SMARCA2: variants seen among roughly 807,000 people sequenced by gnomAD.
SMARCA2 encodes SWI/SNF related BAF chromatin remodeling complex subunit ATPase 2.
A neutral mutation model predicts 199.8 loss-of-function variants in SMARCA2; 61 were observed. The observed-to-expected ratio is 0.31, with a 90% CI of 0.25 to 0.38. The LOEUF (loss-of-function observed/expected upper bound fraction) is 0.38, where lower values mean the gene tolerates loss of function less well. Among genes scored for constraint, SMARCA2 ranks in the 10% least tolerant of loss-of-function variants. The pLI is 1.00. For synonymous variants in SMARCA2, 935 were observed against 732.0 expected, an observed-to-expected ratio of 1.28 and a Z score of -4.48; for missense variants, 1,344 against 2,012.2, an observed-to-expected ratio of 0.67 and a Z score of 6.35.
intron 33 of SMARCA2, chr9:2,192,079 A>G (rs927571130): frequency 1.9e-5 from 3 of 156,602 alleles, no homozygotes; most frequent in Non-Finnish European, 1.4e-5. Flanking sequence ...CCCGAGTAGC[A>G]TAACTCAGTC....
rs202149011 is a variant in SMARCA2 at position 2,160,731 on chromosome 9, TTG to T, written c.3982-950_3982-949del. On this transcript the variant is annotated intron_variant, in intron 27 of 33. Coordinates refer to ENST00000349721, the MANE Select transcript of SMARCA2 (RefSeq NM_003070.5). Reference sequence around the variant, plus strand: ...GGAACAAATAACAACATTAGTTATTTTGTGTGAGAGAGCAATCTCAAAACGTA... The same window carrying T: ...GGAACAAATAACAACATTAGTTATTTTGTGAGAGAGCAATCTCAAAACGTA... 1.9e-3 allele frequency: 963 copies of T among 509,206 alleles called. 18 individuals are homozygous for T. The Admixed American group carries it at 0.025, about 13-fold the overall frequency. 31.5% of individuals were successfully genotyped at this position (509,206 alleles called of 1,614,324 possible).
chr9:2,116,110 C>T, intron 25 of SMARCA2, 61 bp downstream of exon 25: 1 of 1,240,910 alleles, frequency 8.1e-7, no homozygotes, highest in Non-Finnish European at 1.2e-6. Flanking sequence ...CTGAAGGACT[C>T]AGAATAATCC....
chr9:2,115,911 A>G lies in SMARCA2; in HGVS notation c.3546A>G (p.Glu1182=), dbSNP rs142044676. 3 of 1,614,116 alleles carry G rather than the reference A, an allele frequency of 1.9e-6. No individual in the cohort carries two copies. The African/African-American group carries it at 4.0e-5, about 22-fold the overall frequency. Residue 1182 remains glutamate (E), a synonymous_variant, in exon 25 of 34, where the codon GAA becomes GAG. Coordinates refer to ENST00000349721, the MANE Select transcript of SMARCA2 (RefSeq NM_003070.5). This position sits in a 1 kb window ranked among gnomAD's most constrained non-coding sequence, Gnocchi z 6.0. ...TCTGTACCGTGAACAGCGTGGAGGA[A>G]AAGATCCTCGCGGCCGCAAAATACA... The part of the protein sequence containing the change: ...LRLCTVNSVE[E]KILAAAKYKL...
chr9:2,175,778 C>G (rs1177465643), intron 29 of SMARCA2, among the ~76,000 whole-genome samples: 2 of 152,140 alleles, frequency 1.3e-5, no homozygotes, highest in African/African-American at 4.8e-5. Flanking sequence ...TTTGGCATAT[C>G]TCCTTCTGGT....
chr9:2,177,967 A>G lies in SMARCA2; in HGVS notation c.4254-3604A>G, dbSNP rs143533751. ...TTATAATGTATGCAGTCACCAGTTTAGAGTCATAGTATAGATGTGGAATTA... is the reference window on the plus strand; with the variant it reads ...TTATAATGTATGCAGTCACCAGTTTGGAGTCATAGTATAGATGTGGAATTA... On this transcript the variant is annotated intron_variant, in intron 29 of 33. Transcript: ENST00000349721. Among the ~76,000 whole-genome samples the G allele has an allele frequency of 2.8e-3, 432 of 152,218 alleles. 1 individual carries two copies. Among genetic ancestry groups the G allele is most frequent in the African/African-American group, 9.9e-3 (412 of 41,560 alleles).
Position 2,086,724 on chromosome 9 carries a change from A to G in SMARCA2, c.2527-105A>G. 7.9e-7 allele frequency: 1 copy of G among 1,259,658 alleles called. No homozygotes were observed. The allele number at this position is 1,259,658 out of a possible 1,614,324, so 78.0% of individuals were successfully genotyped here. A position where few individuals can be genotyped will look rare whatever the true frequency, so the allele number is the denominator to read the frequency against. ...CTCAAAGGTAATCACAGCATATCAT[A>G]TACCAAGGATGGGTTCTTTGGTTTT... On this transcript the variant is annotated intron_variant, in intron 17 of 33. Transcript: ENST00000349721. This position sits in a 1 kb window ranked among gnomAD's most constrained non-coding sequence, Gnocchi z 4.3.
intron 31 of SMARCA2, among the ~76,000 whole-genome samples, 186 bp from the exon 32 acceptor site, chr9:2,185,906 TTCTG>T (rs1416873161): frequency 2.0e-5 from 3 of 152,350 alleles, no homozygotes; most frequent in African/African-American, 7.2e-5. Flanking sequence ...CATTTGGACT[TTCTG>T]TATGAATGTG....
intron 9 of SMARCA2, among the ~76,000 whole-genome samples, chr9:2,066,952 T>G (rs1312135849): frequency 6.6e-6 from 1 of 152,216 alleles, no homozygotes; most frequent in Non-Finnish European, 1.5e-5. Flanking sequence ...GCTTTGTTTT[T>G]TTAAGTTTTG....
At chr9:2,162,062 C>T (rs1825710229) in intron 28 of SMARCA2, among the ~76,000 whole-genome samples, 159 bp downstream of exon 28, 1 of 152,086 alleles carries the variant, frequency 6.6e-6, no homozygotes, top group Non-Finnish European at 1.5e-5. Context: ...TTAAAATGGC[C>T]ACTGTTGCTA....
chr9:2,039,757 A>G lies in SMARCA2; in HGVS notation c.647A>G (p.Gln216Arg). Residue 216 changes from glutamine to arginine, a missense_variant, in exon 4 of 34, where the codon CAG (glutamine) becomes CGG (arginine). Coordinates refer to ENST00000349721, the MANE Select transcript of SMARCA2 (RefSeq NM_003070.5). The surrounding 1 kb of genome is among the most constrained non-coding windows in gnomAD (Gnocchi z 4.8). ...GGGAAAAGGACGTTGCCTGGCTTGC[A>G]GCAACAACAGCAGCAGCAACAGCAG... ...VQGKRTLPGLQQQQQQQQQQQ... is the reference protein window; with the variant it reads ...VQGKRTLPGLRQQQQQQQQQQ... 6.2e-7 allele frequency: 1 copy of G among 1,611,874 alleles called. No homozygotes were observed. The highest frequency in any genetic ancestry group is 8.5e-7 in the Non-Finnish European group (1 of 1,179,144).
chr9:2,160,177 T>C, intron 27 of SMARCA2: 1 of 441,726 alleles, frequency 2.3e-6, no homozygotes, highest in Non-Finnish European at 4.0e-6. Context: ...TGTCCTGCTT[T>C]TAGGCAAATG....
intron 28 of SMARCA2, among the ~76,000 whole-genome samples, chr9:2,165,059 T>G (rs1825869894): frequency 6.6e-6 from 1 of 152,226 alleles, no homozygotes; most frequent in Admixed American, 6.5e-5. Flanking sequence ...AAAATGCTGC[T>G]GGGAGATGTA....
intron 29 of SMARCA2, among the ~76,000 whole-genome samples, chr9:2,175,818 T>C (rs1341305904): frequency 2.0e-5 from 3 of 152,194 alleles, no homozygotes; most frequent in African/African-American, 7.2e-5. Flanking sequence ...TAAATCCTTG[T>C]TGAGGTTGAA....
intron 29 of SMARCA2, among the ~76,000 whole-genome samples, chr9:2,176,133 G>C (rs187455117): frequency 1.3e-5 from 2 of 149,314 alleles, no homozygotes; most frequent in African/African-American, 5.0e-5. Flanking sequence ...CACCTGCCTC[G>C]GCCTCCCAAA....
chr9:2,102,376 A>G (rs1413674884), intron 22 of SMARCA2, among the ~76,000 whole-genome samples: 1 of 152,066 alleles, frequency 6.6e-6, no homozygotes, highest in Non-Finnish European at 1.5e-5. Context: ...GCATGGTGAA[A>G]ACACAGCTAT....
At chr9:2,144,816 C>T (rs1005037272) in intron 27 of SMARCA2, among the ~76,000 whole-genome samples, 1 of 152,198 alleles carries the variant, frequency 6.6e-6, no homozygotes, top group Non-Finnish European at 1.5e-5. Context: ...CAACTCATCT[C>T]ACCTGTTGCT....
intron 10 of SMARCA2, among the ~76,000 whole-genome samples, chr9:2,071,559 C>G (rs999959086): frequency 6.6e-6 from 1 of 152,220 alleles, no homozygotes; most frequent in African/African-American, 2.4e-5. Context: ...AAATTAGCTA[C>G]TGATCTTGGA....
At chr9:2,072,904 T>G (rs964859943) in intron 10 of SMARCA2, among the ~76,000 whole-genome samples, 1 of 152,228 alleles carries the variant, frequency 6.6e-6, no homozygotes, top group Non-Finnish European at 1.5e-5. Context: ...TGGTCTGCCC[T>G]GCACCGGTGC....
At chr9:2,052,301 C>A (rs1042079899) in intron 5 of SMARCA2, among the ~76,000 whole-genome samples, 3 of 152,176 alleles carry the variant, frequency 2.0e-5, no homozygotes, top group African/African-American at 7.2e-5. Flanking sequence ...TGGCAAAACC[C>A]CGTCTCTACT....
Sources: gnomAD v4.1 joint callset for allele counts (sites outside exome capture counted in the v4.1 genomes callset) on GRCh38, gnomAD v4.1.1 for gene constraint, Gnocchi (gnomAD v3.1) non-coding constraint, MANE v1.5 for transcripts, NCBI Gene and HGNC (gene_info 2026-07-23, HGNC 2026-07-21) for gene names.